Variants in CHKA observed in about 807,000 individuals in gnomAD.
The protein encoded by CHKA is CHETK-alpha.
CHKA carries 34 observed loss-of-function variants against 60.1 expected under a neutral mutation model. The observed-to-expected ratio is 0.57, with a 90% CI of 0.43 to 0.75. The LOEUF is 0.75. CHKA is among the 30% of genes least tolerant of loss of function. CHKA has a pLI of 0.00. For synonymous variants in CHKA, 217 were observed against 223.1 expected (o/e 0.97, Z 0.24); for missense variants, 563 against 561.3 (o/e 1.00, Z -0.03).
chr11:68,100,971 G>A (rs191218845), intron 1 of CHKA, among the ~76,000 whole-genome samples: 2,965 of 117,728 alleles, frequency 0.025, 44 homozygotes, highest in Non-Finnish European at 0.037. Context: ...TTTTTGAGAC[G>A]GAGTCTCACT....
At chr11:68,116,407 CA>C (rs1316943446) in intron 1 of CHKA, among the ~76,000 whole-genome samples, 1 of 151,864 alleles carries the variant, frequency 6.6e-6, no homozygotes, top group African/African-American at 2.4e-5. Flanking sequence ...CCGTGGCTAC[CA>C]AAAAATACAA....
At chr11:68,099,560 T>C (rs1857629862) in intron 1 of CHKA, among the ~76,000 whole-genome samples, 1 of 152,226 alleles carries the variant, frequency 6.6e-6, no homozygotes, top group South Asian at 2.1e-4. Context: ...AGTTCTTGTT[T>C]TCCCAAAGCA....
chr11:68,116,579 A>G (rs1445336947), intron 1 of CHKA, among the ~76,000 whole-genome samples: 1 of 151,998 alleles, frequency 6.6e-6, no homozygotes, highest in African/African-American at 2.4e-5. Context: ...ATTTAGCTGG[A>G]CATGGCATGT....
rs1202154154 is a variant in CHKA at position 68,066,297 on chromosome 11, C to G, written c.1016+132G>C. The G allele has an allele frequency of 3.2e-5, 23 of 725,374 alleles. No homozygotes were observed. The East Asian group carries it at 5.5e-4, about 17-fold the overall frequency. The allele number at this position is 725,374 out of a possible 1,614,324, so 44.9% of individuals were successfully genotyped here. Reference sequence around the variant, plus strand: ...CCATCACCGGCCACTGGACGAGAAGCCACTGATTCCAGGTGAAGCAGCTTG... The same window carrying G: ...CCATCACCGGCCACTGGACGAGAAGGCACTGATTCCAGGTGAAGCAGCTTG... On this transcript the variant is annotated intron_variant, in intron 8 of 11. Coordinates refer to ENST00000265689, the MANE Select transcript of CHKA (RefSeq NM_001277.3).
intron 11 of CHKA, among the ~76,000 whole-genome samples, chr11:68,059,890 G>A (rs1454784118): frequency 6.6e-6 from 1 of 152,178 alleles, no homozygotes; most frequent in African/African-American, 2.4e-5. Flanking sequence ...CATGCATGAG[G>A]CCAGGCTGGC....
rs1858642118 is a variant in CHKA at position 68,121,296 on chromosome 11, GGCGGTT to G, written c.-125_-120del. On this transcript the variant is annotated 5_prime_UTR_variant, in exon 1 of 12. Transcript: ENST00000265689. ...GCAGGCCGGCGGGGCAGGGGGCCGC[GGCGGTT>G]GGGCGCGCGGGGCGGCGGCGGCGGC... 9.8e-6 allele frequency: 8 copies of G among 812,290 alleles called. No homozygotes were observed. In the East Asian group the frequency reaches 7.2e-4, roughly 73 times the overall value. The allele number at this position is 812,290 out of a possible 1,614,324, so 50.3% of individuals were successfully genotyped here. A position where few individuals can be genotyped will look rare whatever the true frequency, so the allele number is the denominator to read the frequency against.
At chr11:68,072,838 AT>A (rs1856665453) in intron 4 of CHKA, among the ~76,000 whole-genome samples, 2 of 151,984 alleles carry the variant, frequency 1.3e-5, no homozygotes, top group African/African-American at 4.8e-5. Context: ...ACAAAAAAAA[AT>A]TTTTAATAAG....
intron 3 of CHKA, among the ~76,000 whole-genome samples, chr11:68,080,698 G>A (rs1349291259): frequency 1.3e-5 from 2 of 152,164 alleles, no homozygotes; most frequent in East Asian, 1.9e-4. Context: ...GTGATGTGGC[G>A]ATGTGTGTAT....
Position 68,112,821 on chromosome 11 carries a change from G to T in CHKA, c.350+8007C>A, listed in dbSNP as rs371890534. 2.4e-4 allele frequency among the ~76,000 whole-genome samples: 37 copies of T among 152,256 alleles called. No individual in the cohort carries two copies. The South Asian group carries it at 7.7e-3, about 32-fold the overall frequency. On this transcript the variant is annotated intron_variant, in intron 1 of 11. Transcript: ENST00000265689. ...GCAGGTGCCTGGCACGGTGGTTCATGCCTGTAATCCCAGCACTTCGGGAGG... is the reference window on the plus strand; with the variant it reads ...GCAGGTGCCTGGCACGGTGGTTCATTCCTGTAATCCCAGCACTTCGGGAGG...
chr11:68,067,651 G>C (rs1372099467), intron 7 of CHKA, among the ~76,000 whole-genome samples: 1 of 152,134 alleles, frequency 6.6e-6, no homozygotes, highest in Admixed American at 6.6e-5. Context: ...ATGTACAACT[G>C]TTACCTCTTC....
At chr11:68,114,413 G>C (rs1297924107) in intron 1 of CHKA, among the ~76,000 whole-genome samples, 2 of 152,150 alleles carry the variant, frequency 1.3e-5, no homozygotes, top group African/African-American at 4.8e-5. Flanking sequence ...AAAGACACAG[G>C]GAGGCTGGGC....
At chr11:68,113,081 C>CAAAAAAAA (rs71040587) in intron 1 of CHKA, among the ~76,000 whole-genome samples, 396 of 14,468 alleles carry the variant, frequency 0.027, 19 homozygotes, top group Middle Eastern at 0.12. Context: ...GACTCCGTCT[C>CAAAAAAAA]AAAAAAAAAA....
In CHKA at chr11:68,058,960, G is replaced by A. The variant is rs181148482; in HGVS notation, c.1314+2993C>T. 5.9e-3 allele frequency among the ~76,000 whole-genome samples: 895 copies of A among 152,208 alleles called. 2 individuals are homozygous for A. The highest frequency in any genetic ancestry group is 0.017 in the African/African-American group (694 of 41,540). ...TGCCCAGGCTGGAGTGCAGTGGCGT[G>A]ATCTCGGCTCACTGCAACCTCCACC... is the stretch of plus-strand genomic sequence containing the variant. On this transcript the variant is annotated intron_variant, in intron 11 of 11. Coordinates refer to ENST00000265689, the MANE Select transcript of CHKA (RefSeq NM_001277.3).
chr11:68,093,849 TAATTAA>T, intron 2 of CHKA, among the ~76,000 whole-genome samples: 1 of 152,350 alleles, frequency 6.6e-6, no homozygotes, highest in South Asian at 2.1e-4. Flanking sequence ...TAATTTAAAT[TAATTAA>T]AATTAAAAAC....
intron 2 of CHKA, among the ~76,000 whole-genome samples, chr11:68,088,824 G>A (rs1857266186): frequency 6.6e-6 from 1 of 152,106 alleles, no homozygotes; most frequent in Admixed American, 6.6e-5. Flanking sequence ...TGGGATTACA[G>A]GTGTGAGCCA....
At chr11:68,114,849 G>A (rs1448857333) in intron 1 of CHKA, among the ~76,000 whole-genome samples, 1 of 152,166 alleles carries the variant, frequency 6.6e-6, no homozygotes, top group Non-Finnish European at 1.5e-5. Flanking sequence ...TATGGAGACT[G>A]TAAAAAGACC....
intron 11 of CHKA, among the ~76,000 whole-genome samples, chr11:68,057,888 ATTTG>A (rs776372538): frequency 1.1e-4 from 17 of 151,834 alleles, no homozygotes; most frequent in African/African-American, 3.9e-4. Context: ...GTTCCATCTG[ATTTG>A]TTTTTTGTTT....
At chr11:68,084,274 G>A (rs1319198622) in intron 2 of CHKA, among the ~76,000 whole-genome samples, 4 of 141,056 alleles carry the variant, frequency 2.8e-5, no homozygotes, top group South Asian at 2.2e-4. Context: ...ACATATATAC[G>A]TATATATACA....
At position 68,121,318 on chromosome 11, in the gene CHKA, C is replaced by T. The variant is rs1404555788; in HGVS notation, c.-141G>A. ...CGCGGCGGTTGGGCGCGCGGGGCGG[C>T]GGCGGCGGCTGCGGCGACTGCGGCG... On this transcript the variant is annotated 5_prime_UTR_variant, in exon 1 of 12. Coordinates refer to ENST00000265689, the MANE Select transcript of CHKA (RefSeq NM_001277.3). The T allele has an allele frequency of 9.2e-6, 5 of 544,238 alleles. No individual in the cohort carries two copies. Among genetic ancestry groups the T allele is most frequent in the Middle Eastern group, 8.3e-4 (1 of 1,210 alleles). 33.7% of individuals were successfully genotyped at this position (544,238 alleles called of 1,614,324 possible).
Sources: allele counts gnomAD v4.1 joint callset (sites outside exome capture counted in the v4.1 genomes callset), GRCh38; gene constraint gnomAD v4.1.1; transcripts MANE v1.5; gene names NCBI Gene and HGNC (gene_info 2026-07-23, HGNC 2026-07-21).